The following NEDD4 variants were observed in gnomAD, a reference collection of about 807,000 sequenced individuals.
The protein encoded by NEDD4 is NEDD4 E3 ubiquitin protein ligase, also known as E3 ubiquitin-protein ligase NEDD4.
In NEDD4, 99 loss-of-function variants were observed where a neutral mutation model predicts 144.9. The ratio of observed to expected loss-of-function variants is 0.68; its 90% confidence interval spans 0.58 to 0.81. NEDD4 has a LOEUF of 0.81. Among genes scored for constraint, NEDD4 ranks in the 30% least tolerant of loss-of-function variants. The pLI is 0.00. For synonymous variants in NEDD4, 318 were observed against 350.6 expected (o/e 0.91, Z 1.04); for missense variants, 985 against 1,065.9 (o/e 0.92, Z 1.06).
intron 4 of NEDD4, among the ~76,000 whole-genome samples, chr15:55,936,892 A>C (rs2036901134): frequency 6.6e-6 from 1 of 151,804 alleles, no homozygotes; most frequent in Non-Finnish European, 1.5e-5. Flanking sequence ...TCCCAGGTTC[A>C]AGTGATTCTC....
intron 2 of NEDD4, 52 bp downstream of exon 2, chr15:55,966,421 C>A: frequency 8.7e-7 from 1 of 1,144,206 alleles, no homozygotes. Context: ...TTGGAAAAAA[C>A]TAATTAACAA....
At chr15:55,965,350 C>T (rs1365110380) in intron 2 of NEDD4, among the ~76,000 whole-genome samples, 1 of 151,996 alleles carries the variant, frequency 6.6e-6, no homozygotes, top group Admixed American at 6.6e-5. Context: ...TACAGGCATG[C>T]GCCACCATGC....
chr15:55,894,297 C>A (rs773913090), intron 5 of NEDD4, among the ~76,000 whole-genome samples: 8 of 152,204 alleles, frequency 5.3e-5, no homozygotes, highest in Non-Finnish European at 1.2e-4. Context: ...CAAGTATTTA[C>A]ATAGTGTTTA....
chr15:55,971,956 G>A (rs1273008949), intron 1 of NEDD4, among the ~76,000 whole-genome samples: 5 of 152,180 alleles, frequency 3.3e-5, no homozygotes, highest in Admixed American at 1.3e-4. Flanking sequence ...TAATAGGCAG[G>A]AGACAGTGGC....
intron 1 of NEDD4, among the ~76,000 whole-genome samples, chr15:55,978,633 G>A (rs1049990297): frequency 6.6e-6 from 1 of 152,098 alleles, no homozygotes; most frequent in African/African-American, 2.4e-5. Flanking sequence ...TCAAAACAGG[G>A]ACAAAATTAT....
In NEDD4 at chr15:55,860,437, A is replaced by T; in HGVS notation, c.930T>A (p.Asn310Lys). ...TCGATGCTGGCTGGCTCACGGCTGA[A>T]TTTCCAAAAATGGTGAGTCTGGCAT... ...ELNARLTIFG[N>K]SAVSQPASSS... The change falls in exon 11 of 29, where the codon AAT becomes AAA. Residue 310 changes from asparagine (N) to lysine (K), a missense_variant. By Grantham distance (94) the Asn-to-Lys change is moderately conservative. Transcript: ENST00000435532. 1 of 1,614,152 alleles carries T rather than the reference A, an allele frequency of 6.2e-7. No homozygotes were observed. Among genetic ancestry groups the T allele is most frequent in the Non-Finnish European group, 8.5e-7 (1 of 1,180,004 alleles).
At chr15:55,868,378 T>C (rs1277166405) in intron 8 of NEDD4, among the ~76,000 whole-genome samples, 4 of 152,188 alleles carry the variant, frequency 2.6e-5, no homozygotes, top group Non-Finnish European at 5.9e-5. Flanking sequence ...GCTGTTAATA[T>C]GGTTTGGCTG....
intron 5 of NEDD4, among the ~76,000 whole-genome samples, chr15:55,888,804 C>T (rs2035473812): frequency 6.6e-6 from 1 of 152,158 alleles, no homozygotes; most frequent in African/African-American, 2.4e-5. Context: ...CATACATCTA[C>T]AGTGAATTCA....
intron 7 of NEDD4, among the ~76,000 whole-genome samples, chr15:55,870,615 C>G (rs1409454935): frequency 6.7e-6 from 1 of 149,358 alleles, no homozygotes; most frequent in South Asian, 2.1e-4. Context: ...TTCACTGCAG[C>G]CTTGACCTCC....
chr15:55,977,085 A>T (rs570123898), intron 1 of NEDD4, among the ~76,000 whole-genome samples: 12 of 152,290 alleles, frequency 7.9e-5, no homozygotes, highest in African/African-American at 2.9e-4. Flanking sequence ...AAATATGCAT[A>T]TCATAGATTA....
At chr15:55,851,689 C>A (rs571705195) in intron 13 of NEDD4, among the ~76,000 whole-genome samples, 7 of 152,080 alleles carry the variant, frequency 4.6e-5, no homozygotes, top group Admixed American at 2.0e-4. Flanking sequence ...GTTGGTCAGG[C>A]TGATCTTGAA....
At chr15:55,927,808 G>T (rs1307209812) in intron 4 of NEDD4, among the ~76,000 whole-genome samples, 1 of 152,176 alleles carries the variant, frequency 6.6e-6, no homozygotes, top group Non-Finnish European at 1.5e-5. Flanking sequence ...CAGGCAGGGA[G>T]TCAGCAGAGC....
intron 2 of NEDD4, among the ~76,000 whole-genome samples, chr15:55,954,122 G>A (rs61261303): frequency 0.13 from 20,449 of 151,830 alleles, 1,502 homozygotes; most frequent in East Asian, 0.32. Flanking sequence ...AAAGTCATCA[G>A]TCTTGTTAAA....
In NEDD4 at chr15:55,915,914, A is replaced by T. The variant is rs74015336; in HGVS notation, c.291+8732T>A. On this transcript the variant is annotated intron_variant, in intron 5 of 28. Transcript: ENST00000435532. ...CACTAGTGCCATCCTCATTATGTGC[A>T]ATTTCACTAGGAGAAATAATAAACT... 1.7e-3 allele frequency: 2,781 copies of T among 1,614,022 alleles called. 52 individuals are homozygous for T. The African/African-American group carries it at 0.033, about 19-fold the overall frequency.
chr15:55,865,471 T>C (rs553866920), intron 8 of NEDD4, among the ~76,000 whole-genome samples: 1 of 152,036 alleles, frequency 6.6e-6, no homozygotes, highest in African/African-American at 2.4e-5. Flanking sequence ...ACACCAAACC[T>C]TGAAGGCATG....
chr15:55,919,683 C>T (rs1245056171), intron 5 of NEDD4, among the ~76,000 whole-genome samples: 2 of 152,118 alleles, frequency 1.3e-5, no homozygotes, highest in Non-Finnish European at 2.9e-5. Context: ...CCATGCAAGT[C>T]CTACATAGAA....
chr15:55,927,358 T>C (rs2142241163), intron 4 of NEDD4, among the ~76,000 whole-genome samples: 1 of 152,170 alleles, frequency 6.6e-6, no homozygotes, highest in East Asian at 1.9e-4. Flanking sequence ...TCACCCAGGC[T>C]GGAATGCAGT....
intron 4 of NEDD4, among the ~76,000 whole-genome samples, chr15:55,946,087 C>T (rs2037107690): frequency 6.6e-6 from 1 of 152,170 alleles, no homozygotes; most frequent in South Asian, 2.1e-4. Context: ...TATGAAGAAA[C>T]TCCATCAATT....
intron 8 of NEDD4, among the ~76,000 whole-genome samples, chr15:55,865,670 A>G (rs1244414133): frequency 6.6e-6 from 1 of 152,142 alleles, no homozygotes; most frequent in Non-Finnish European, 1.5e-5. Context: ...TCAGCAGTAA[A>G]TGACTGCTGT....
Sources: gnomAD v4.1 joint callset for allele counts (sites outside exome capture counted in the v4.1 genomes callset) on GRCh38, gnomAD v4.1.1 for gene constraint, MANE v1.5 for transcripts, NCBI Gene and HGNC (gene_info 2026-07-23, HGNC 2026-07-21) for gene names.